The following CCNH variants were observed in gnomAD, a reference collection of about 807,000 sequenced individuals.
The protein encoded by CCNH is cyclin H.
CCNH carries 31 observed loss-of-function variants against 41.9 expected under a neutral mutation model. The ratio of observed to expected loss-of-function variants is 0.74; its 90% confidence interval spans 0.56 to 1.00. The LOEUF (loss-of-function observed/expected upper bound fraction) is 1.00, where lower values mean the gene tolerates loss of function less well. Ranked by LOEUF, CCNH falls within the 50% of genes least tolerant of loss-of-function variation. The pLI is 0.00. For synonymous variants in CCNH, 138 were observed against 136.1 expected, an observed-to-expected ratio of 1.01 and a Z score of -0.10; for missense variants, 362 against 388.4, an observed-to-expected ratio of 0.93 and a Z score of 0.57.
chr5:87,396,583 G>C (rs894377880), intron 7 of CCNH, among the ~76,000 whole-genome samples: 3 of 152,088 alleles, frequency 2.0e-5, no homozygotes, highest in African/African-American at 7.2e-5. Context: ...TCACGCCACT[G>C]CACTCAAGCC....
chr5:87,376,949 A>G (rs761307230), exon 1 of CCNH: 1 of 1,608,352 alleles, frequency 6.2e-7, no homozygotes, highest in Non-Finnish European at 8.5e-7. Context: ...ACCGAACACT[A>G]CTGGCCAGCA....
intron 7 of CCNH, among the ~76,000 whole-genome samples, chr5:87,398,976 G>GAA (rs1201610191): frequency 8.8e-6 from 1 of 113,666 alleles, no homozygotes; most frequent in Non-Finnish European, 1.9e-5. Context: ...CCATCTCAAA[G>GAA]AAAAAAAAAA....
chr5:87,390,000 A>G (rs547369962), downstream of CCNH, among the ~76,000 whole-genome samples: 2 of 152,276 alleles, frequency 1.3e-5, no homozygotes, highest in African/African-American at 2.4e-5. Context: ...ACGTCTAACA[A>G]ACTCTTAGAG....
intron 9 of CCNH, among the ~76,000 whole-genome samples, chr5:87,382,902 C>T (rs967336149): frequency 6.6e-6 from 1 of 150,486 alleles, no homozygotes; most frequent in Non-Finnish European, 1.5e-5. Flanking sequence ...GGCACCGTAG[C>T]GAGACTCTGC....
At chr5:87,331,591 C>T (rs1757604172) in intron 9 of CCNH, 2 of 1,380,256 alleles carry the variant, frequency 1.4e-6, no homozygotes, top group Non-Finnish European at 1.0e-6. Context: ...GTGAATGACT[C>T]AGTAACAAAT....
chr5:87,382,046 G>T (rs578216266), upstream of CCNH, among the ~76,000 whole-genome samples: 8 of 152,236 alleles, frequency 5.3e-5, no homozygotes, highest in East Asian at 1.5e-3. Context: ...CCGCCTCCCA[G>T]GTTCAAGTGA....
chr5:87,392,473 T>C (rs1156745958), downstream of CCNH: 1 of 400,640 alleles, frequency 2.5e-6, no homozygotes, highest in African/African-American at 2.1e-5. Flanking sequence ...TTTTATCAAA[T>C]TACTCTCCTT....
At chr5:87,409,260 G>T in intron 3 of CCNH, 30 bp downstream of exon 3, 1 of 1,255,322 alleles carries the variant, frequency 8.0e-7, no homozygotes, top group South Asian at 1.3e-5. Flanking sequence ...CTTCTTAAAT[G>T]AAAACAATAT....
intron 9 of CCNH, chr5:87,346,782 C>T (rs1370669121): frequency 7.6e-7 from 1 of 1,314,136 alleles, no homozygotes; most frequent in African/African-American, 1.5e-5. Context: ...AAAAAGTGAA[C>T]AAACCATTTA....
At chr5:87,312,211 T>C in the CCNH span, among the ~76,000 whole-genome samples, 1 of 152,224 alleles carries the variant, frequency 6.6e-6, no homozygotes, top group Non-Finnish European at 1.5e-5. Flanking sequence ...ATTTAACTTA[T>C]ATGTAACTTT....
intron 6 of CCNH, among the ~76,000 whole-genome samples, chr5:87,400,476 C>T (rs1409076504): frequency 6.6e-6 from 1 of 152,130 alleles, no homozygotes; most frequent in East Asian, 1.9e-4. Flanking sequence ...ATTCTATGAT[C>T]CTAACAGCTA....
intron 9 of CCNH, among the ~76,000 whole-genome samples, chr5:87,350,979 T>C (rs2112425918): frequency 6.6e-6 from 1 of 151,850 alleles, no homozygotes; most frequent in South Asian, 2.1e-4. Context: ...CCTAGGAAGA[T>C]AAATCTTTGT....
intron 5 of CCNH, among the ~76,000 whole-genome samples, chr5:87,402,184 A>G (rs1763469871): frequency 6.6e-6 from 1 of 152,328 alleles, no homozygotes; most frequent in African/African-American, 2.4e-5. Context: ...GGAATCTGGC[A>G]CTAGTAAGGA....
downstream of CCNH, chr5:87,390,758 C>T: frequency 2.0e-6 from 3 of 1,534,560 alleles, no homozygotes; most frequent in Non-Finnish European, 2.7e-6. Flanking sequence ...AAATTGCTGA[C>T]CGAGCTTTCA....
At chr5:87,370,974 A>G (rs772181955) in intron 9 of CCNH, among the ~76,000 whole-genome samples, 44 of 152,286 alleles carry the variant, frequency 2.9e-4, no homozygotes, top group Middle Eastern at 3.4e-3. Flanking sequence ...TTTTACGGCT[A>G]TGTATCCCTA....
chr5:87,379,411 G>A (rs1452864902), upstream of CCNH, among the ~76,000 whole-genome samples: 1 of 152,024 alleles, frequency 6.6e-6, no homozygotes, highest in South Asian at 2.1e-4. Flanking sequence ...TCTGCCTAAG[G>A]CATTTGATAT....
intron 9 of CCNH, among the ~76,000 whole-genome samples, chr5:87,365,193 C>G (rs3804233): frequency 0.37 from 55,643 of 151,812 alleles, 10,562 homozygotes; most frequent in East Asian, 0.5. Context: ...ATAGGTGTCC[C>G]CTGAGATACT....
rs766703143 is a variant in CCNH, at chr5:87,412,819, G to A, written c.-25C>T. ...TTATGGAATCGTGACCAGGTCCAGAGGGTCTGCAGACGAGAACCCAAACGC... is the reference window on the plus strand; with the variant it reads ...TTATGGAATCGTGACCAGGTCCAGAAGGTCTGCAGACGAGAACCCAAACGC... On this transcript the variant is annotated 5_prime_UTR_variant, in exon 1 of 9. Transcript: ENST00000256897. The A allele has an allele frequency of 3.7e-6, 6 of 1,609,602 alleles. No homozygotes were observed. Among genetic ancestry groups the A allele is most frequent in the African/African-American group, 2.7e-5 (2 of 74,856 alleles).
chr5:87,401,037 A>G (rs1178529752), intron 6 of CCNH, among the ~76,000 whole-genome samples: 1 of 152,226 alleles, frequency 6.6e-6, no homozygotes, highest in Non-Finnish European at 1.5e-5. Flanking sequence ...AAATTATCAC[A>G]AAAGTGGTGG....
Sources: allele counts gnomAD v4.1 joint callset (sites outside exome capture counted in the v4.1 genomes callset), GRCh38; gene constraint gnomAD v4.1.1; transcripts MANE v1.5; gene names NCBI Gene and HGNC (gene_info 2026-07-23, HGNC 2026-07-21).